Variants in AKR1C3 observed in about 807,000 individuals in gnomAD.
The protein encoded by AKR1C3 is 3-alpha hydroxysteroid dehydrogenase, type II.
Under a neutral mutation model 43.6 loss-of-function variants are expected in AKR1C3, and 48 were observed. The observed-to-expected ratio is 1.10, with a 90% confidence interval of 0.87 to 1.40. The LOEUF is 1.40. AKR1C3 is among the 40% of genes most tolerant of loss of function. AKR1C3 has a pLI of 0.00. For synonymous variants in AKR1C3, 162 were observed against 139.6 expected, an observed-to-expected ratio of 1.16 and a Z score of -1.13; for missense variants, 482 against 391.2, an observed-to-expected ratio of 1.23 and a Z score of -1.96.
In AKR1C3 at chr10:5,102,504, G is replaced by A. The variant is rs782585708; in HGVS notation, c.700G>A (p.Val234Met). Reference sequence around the variant, plus strand: ...TTCCAGGGTGGACCCGAACTCCCCGGTGCTCTTGGAGGACCCAGTCCTTTG... The same window carrying A: ...TTCCAGGGTGGACCCGAACTCCCCGATGCTCTTGGAGGACCCAGTCCTTTG... ...DKRWVDPNSP[V>M]LLEDPVLCAL... The change falls in exon 7 of 9, where the codon GTG (valine) becomes ATG (methionine). Residue 234 changes from valine to methionine, a missense_variant. Val to Met is a conservative substitution (Grantham distance 21). Transcript: ENST00000380554. 1 of 1,563,514 alleles carries A rather than the reference G, an allele frequency of 6.4e-7. No individual in the cohort carries two copies. The highest frequency in any genetic ancestry group is 1.2e-5 in the South Asian group (1 of 82,276).
chr10:5,099,366 A>G lies in AKR1C3; in HGVS notation c.487A>G (p.Ile163Val), dbSNP rs1443743492. The G allele has an allele frequency of 1.9e-6, 3 of 1,614,134 alleles. No individual in the cohort carries two copies. The highest frequency in any genetic ancestry group is 1.3e-5 in the African/African-American group (1 of 75,026). Residue 163 changes from isoleucine to valine, a missense_variant, in exon 5 of 9, where the codon ATT (isoleucine) becomes GTT (valine). By Grantham distance (29) the Ile-to-Val change is conservative. Coordinates refer to ENST00000380554, the MANE Select transcript of AKR1C3 (RefSeq NM_003739.6). ...TAAGGATGCAGGATTGGCCAAGTCC[A>G]TTGGGGTGTCAAACTTCAACCGCAG... Reference protein sequence around the residue: ...KCKDAGLAKSIGVSNFNRRQL... With the variant: ...KCKDAGLAKSVGVSNFNRRQL...
chr10:5,096,145 CT>C (rs1839201782), intron 1 of AKR1C3: 1 of 333,594 alleles, frequency 3.0e-6, no homozygotes, highest in Non-Finnish European at 5.5e-6. Context: ...GTCATGTTAA[CT>C]TTTCCAACAA....
At chr10:5,096,344 T>A in intron 1 of AKR1C3, 66 bp from the exon 2 acceptor site, 1 of 1,548,418 alleles carries the variant, frequency 6.5e-7, no homozygotes, top group Non-Finnish European at 8.7e-7. Context: ...TAAAAGTCAA[T>A]GCTTGTGCCT....
intron 1 of AKR1C3, among the ~76,000 whole-genome samples, chr10:5,070,352 A>G (rs116833342): frequency 0.012 from 1,875 of 152,338 alleles, 28 homozygotes; most frequent in Non-Finnish European, 0.017. Context: ...AAAGCAAAGA[A>G]ATAATGAAGC....
At chr10:5,060,090 G>T (rs375174956) in intron 1 of AKR1C3, among the ~76,000 whole-genome samples, 290 of 152,246 alleles carry the variant, frequency 1.9e-3, no homozygotes, top group African/African-American at 6.6e-3. Flanking sequence ...CATTCCTCCT[G>T]GTGGGTTCGT....
At chr10:5,105,312 TATCATGTGGGCACAATGTCA>T in intron 7 of AKR1C3, 3 of 97,094 alleles carry the variant, frequency 3.1e-5, no homozygotes, top group Non-Finnish European at 5.6e-5. Flanking sequence ...AATGTGACCC[TATCATGTGGGCACAATGTCA>T]GCGCTGTTTC....
chr10:5,070,202 G>A (rs894550119), intron 1 of AKR1C3, among the ~76,000 whole-genome samples: 1 of 152,192 alleles, frequency 6.6e-6, no homozygotes, highest in Non-Finnish European at 1.5e-5. Flanking sequence ...GAAACAGAAA[G>A]GAAAGGAGAG....
intron 8 of AKR1C3, among the ~76,000 whole-genome samples, chr10:5,106,752 T>G (rs1554787329): frequency 9.7e-6 from 1 of 102,776 alleles, no homozygotes; most frequent in Middle Eastern, 5.4e-3. Context: ...AGGCTCCATC[T>G]CAAAAAAAAA....
At chr10:5,051,208 G>A in intron 1 of AKR1C3, among the ~76,000 whole-genome samples, 1 of 152,154 alleles carries the variant, frequency 6.6e-6, no homozygotes, top group East Asian at 1.9e-4. Context: ...TGATTCTCGT[G>A]TCTCAGCCTC....
At position 5,072,128 on chromosome 10, in the gene AKR1C3, A is replaced by G. The variant is rs545574616; in HGVS notation, c.84+23233A>G. On this transcript the variant is annotated intron_variant, in intron 1 of 8. Transcript: ENST00000439082. ...ATGAAGACCAGCCTATGTGACACTT[A>G]TCTCTGGGTTCTAGTACTATTGAGC... Among the ~76,000 whole-genome samples the G allele has an allele frequency of 3.9e-5, 6 of 152,306 alleles. No homozygotes were observed. In the East Asian group the frequency reaches 1.2e-3, roughly 29 times the overall value.
At chr10:5,094,607 T>C (rs1839167868) in intron 1 of AKR1C3, 79 bp downstream of exon 1, 8 of 1,491,298 alleles carry the variant, frequency 5.4e-6, no homozygotes, top group Non-Finnish European at 7.4e-6. Flanking sequence ...GGTTGTAAGG[T>C]TCGTGTTCCT....
At chr10:5,062,382 TC>T in intron 1 of AKR1C3, among the ~76,000 whole-genome samples, 1 of 152,302 alleles carries the variant, frequency 6.6e-6, no homozygotes, top group East Asian at 1.9e-4. Context: ...CTATTTTCAT[TC>T]CCTTGATGGT....
chr10:5,078,870 A>T (rs1838773033), intron 1 of AKR1C3, among the ~76,000 whole-genome samples: 1 of 152,236 alleles, frequency 6.6e-6, no homozygotes. Context: ...CCTGGTCTGC[A>T]GTGATGAGTA....
At chr10:5,054,412 A>T (rs1467333136) in intron 1 of AKR1C3, among the ~76,000 whole-genome samples, 2 of 152,054 alleles carry the variant, frequency 1.3e-5, no homozygotes, top group African/African-American at 4.8e-5. Context: ...TTGAGCTTTG[A>T]GGGGTACTGA....
chr10:5,053,311 G>T (rs554225885), intron 1 of AKR1C3, among the ~76,000 whole-genome samples: 1 of 152,232 alleles, frequency 6.6e-6, no homozygotes, highest in East Asian at 1.9e-4. Flanking sequence ...GCTAAGGTCC[G>T]GTGAGAAATT....
intron 1 of AKR1C3, among the ~76,000 whole-genome samples, chr10:5,068,545 A>G (rs921905661): frequency 1.2e-4 from 18 of 151,528 alleles, no homozygotes; most frequent in African/African-American, 4.4e-4. Flanking sequence ...CTATTCTTAC[A>G]CATCTTGCAT....
At chr10:5,105,335 G>C in intron 7 of AKR1C3, 1 of 285,632 alleles carries the variant, frequency 3.5e-6, no homozygotes. Context: ...CAATGTCAGC[G>C]CTGTTTCTTC....
intron 1 of AKR1C3, among the ~76,000 whole-genome samples, chr10:5,074,147 C>A (rs191731930): frequency 6.6e-6 from 1 of 152,244 alleles, no homozygotes; most frequent in African/African-American, 2.4e-5. Flanking sequence ...CGGACTGAAC[C>A]AATGTTCATC....
chr10:5,077,799 G>A (rs1838744880), intron 1 of AKR1C3: 3 of 701,754 alleles, frequency 4.3e-6, no homozygotes, highest in Non-Finnish European at 4.1e-6. Flanking sequence ...CCTTGAGGTT[G>A]AAGCAAATCT....
Sources: allele counts gnomAD v4.1 joint callset (sites outside exome capture counted in the v4.1 genomes callset), GRCh38; gene constraint gnomAD v4.1.1; transcripts MANE v1.5; gene names NCBI Gene and HGNC (gene_info 2026-07-23, HGNC 2026-07-21).